The following GLT1D1 variants were observed in gnomAD, a reference collection of about 807,000 sequenced individuals.
GLT1D1 encodes glycosyltransferase 1 domain containing 1.
A neutral mutation model predicts 28.7 loss-of-function variants in GLT1D1; 21 were observed. The ratio of observed to expected loss-of-function variants is 0.73; its 90% confidence interval spans 0.52 to 1.05. The LOEUF (loss-of-function observed/expected upper bound fraction) is 1.05. GLT1D1 is among the 50% of genes least tolerant of loss of function. The pLI is 0.00. For missense variants in GLT1D1, 343 were observed against 330.6 expected (o/e 1.04, Z -0.29); for synonymous variants, 147 against 124.8 (o/e 1.18, Z -1.19).
chr12:128,888,443 G>A (rs575963762), intron 2 of GLT1D1, among the ~76,000 whole-genome samples, 196 bp from the exon 3 acceptor site: 16 of 152,286 alleles, frequency 1.1e-4, no homozygotes, highest in Admixed American at 9.8e-4. Context: ...GGGGCCTCCC[G>A]TGATTCCTCT....
chr12:128,871,887 A>G (rs1340454456), intron 1 of GLT1D1, among the ~76,000 whole-genome samples: 1 of 152,144 alleles, frequency 6.6e-6, no homozygotes, highest in African/African-American at 2.4e-5. Context: ...TTTGTTCTAT[A>G]GTACTGTCTG....
chr12:128,909,679 G>T (rs1440287989), intron 4 of GLT1D1, among the ~76,000 whole-genome samples: 2 of 152,228 alleles, frequency 1.3e-5, no homozygotes, highest in Non-Finnish European at 2.9e-5. Flanking sequence ...TTTAGTCAAA[G>T]AATGGGAAGT....
At chr12:128,903,115 A>G (rs967833189) in intron 4 of GLT1D1, among the ~76,000 whole-genome samples, 1 of 151,650 alleles carries the variant, frequency 6.6e-6, no homozygotes, top group Non-Finnish European at 1.5e-5. Context: ...TCAGCCTTCA[A>G]TATCATCCTC....
At chr12:128,884,583 G>A (rs1323161475) in intron 2 of GLT1D1, among the ~76,000 whole-genome samples, 1 of 152,192 alleles carries the variant, frequency 6.6e-6, no homozygotes, top group African/African-American at 2.4e-5. Flanking sequence ...GGAAGGCTGA[G>A]GCGGGTGGAT....
intron 4 of GLT1D1, among the ~76,000 whole-genome samples, chr12:128,899,975 G>A (rs145065666): frequency 2.8e-4 from 42 of 152,252 alleles, no homozygotes; most frequent in African/African-American, 9.4e-4. Context: ...GGGTTGGACC[G>A]TTTATTAGAA....
chr12:128,930,172 C>T (rs1873712754), intron 4 of GLT1D1: 2 of 151,982 alleles, frequency 1.3e-5, no homozygotes, highest in African/African-American at 4.8e-5. Context: ...ATGTTAAGTC[C>T]CATAGAGGTA....
At chr12:128,980,483 C>T (rs901182764) in intron 7 of GLT1D1, among the ~76,000 whole-genome samples, 3 of 152,200 alleles carry the variant, frequency 2.0e-5, no homozygotes, top group Non-Finnish European at 4.4e-5. Context: ...TGCAGTTTTC[C>T]GAGTCTGCAG....
intron 4 of GLT1D1, among the ~76,000 whole-genome samples, chr12:128,924,252 C>G (rs149707431): frequency 6.6e-6 from 1 of 151,794 alleles, no homozygotes; most frequent in Non-Finnish European, 1.5e-5. Context: ...CATGGCGAAA[C>G]CCCATCTCCA....
At chr12:128,957,852 C>T (rs1358708794) in intron 7 of GLT1D1, among the ~76,000 whole-genome samples, 2 of 152,190 alleles carry the variant, frequency 1.3e-5, no homozygotes, top group African/African-American at 4.8e-5. Flanking sequence ...AGTTCCATTC[C>T]TGATTCTGTT....
chr12:128,969,993 G>A (rs1160101221), intron 7 of GLT1D1, among the ~76,000 whole-genome samples: 2 of 152,272 alleles, frequency 1.3e-5, no homozygotes, highest in Non-Finnish European at 2.9e-5. Flanking sequence ...CTTCCTGGAG[G>A]CCTCCTGGTG....
Position 128,915,002 on chromosome 12 carries a change from ATCT to A in GLT1D1, c.375+15720_375+15722del. 2 of 1,531,162 alleles carry A rather than the reference ATCT, an allele frequency of 1.3e-6. No individual in the cohort carries two copies. The highest frequency in any genetic ancestry group is 1.8e-6 in the Non-Finnish European group (2 of 1,142,524). The allele number at this position is 1,531,162 out of a possible 1,614,324, so 94.8% of individuals were successfully genotyped here. On this transcript the variant is annotated intron_variant, in intron 4 of 7. Coordinates refer to ENST00000281703, the MANE Select transcript of GLT1D1 (RefSeq NM_144669.3). Reference sequence around the variant, plus strand: ...CTTCAACGCTCTGGTGAGACATGAGATCTTCTTAGAGGATTTTGATGAAGTGCA... The same window carrying A: ...CTTCAACGCTCTGGTGAGACATGAGATCTTAGAGGATTTTGATGAAGTGCA...
chr12:128,883,657 C>G (rs150110373), intron 2 of GLT1D1, among the ~76,000 whole-genome samples: 92 of 151,776 alleles, frequency 6.1e-4, no homozygotes, highest in African/African-American at 1.3e-3. Flanking sequence ...TTTTTCTCAG[C>G]CGATTACTGG....
intron 1 of GLT1D1, among the ~76,000 whole-genome samples, chr12:128,856,448 A>G (rs1956225731): frequency 6.6e-6 from 1 of 152,200 alleles, no homozygotes; most frequent in Admixed American, 6.5e-5. Flanking sequence ...ACAAAACTAG[A>G]TAAAGTGATT....
At chr12:128,866,360 C>T (rs573480283) in intron 1 of GLT1D1, among the ~76,000 whole-genome samples, 4 of 152,120 alleles carry the variant, frequency 2.6e-5, no homozygotes, top group East Asian at 1.9e-4. Context: ...TGAGGCACTG[C>T]GCCCGGCAAT....
Position 128,969,667 on chromosome 12 carries a change from G to T in GLT1D1, c.639+12024G>T, listed in dbSNP as rs7305672. Among the ~76,000 whole-genome samples the T allele has an allele frequency of 2.6e-5, 4 of 152,320 alleles. No individual in the cohort carries two copies. In the East Asian group the frequency reaches 7.7e-4, roughly 29 times the overall value. ...TCCTGGCCGCCTCACTCCTGACCAA[G>T]CAGGGAGCATCCTGCTTGCATCGCG... On this transcript the variant is annotated intron_variant, in intron 7 of 7. Coordinates refer to ENST00000281703, the MANE Select transcript of GLT1D1 (RefSeq NM_144669.3).
intron 3 of GLT1D1, among the ~76,000 whole-genome samples, chr12:128,890,873 C>T (rs958625434): frequency 6.6e-6 from 1 of 152,140 alleles, no homozygotes; most frequent in Non-Finnish European, 1.5e-5. Flanking sequence ...GTGGCCTGTG[C>T]CTGTAGTTCC....
chr12:128,952,586 T>G (rs1876821773), intron 6 of GLT1D1, among the ~76,000 whole-genome samples: 1 of 150,052 alleles, frequency 6.7e-6, no homozygotes, highest in Admixed American at 6.6e-5. Context: ...CCTGCCTCAG[T>G]CTCCCAGGTA....
chr12:128,915,512 G>A (rs2135892773), intron 4 of GLT1D1, among the ~76,000 whole-genome samples: 1 of 151,938 alleles, frequency 6.6e-6, no homozygotes, highest in African/African-American at 2.4e-5. Flanking sequence ...CTACATGCAT[G>A]CGCCACCATG....
chr12:128,914,713 G>A lies in GLT1D1; in HGVS notation c.375+15426G>A, dbSNP rs146707837. The stretch of plus-strand genomic sequence containing the variant: ...CGGGCGCCTATACTCCCAGCTACTC[G>A]GGAGGCTGAGGCAGGAGAATCGCTT... On this transcript the variant is annotated intron_variant, in intron 4 of 7. Coordinates refer to ENST00000281703, the MANE Select transcript of GLT1D1 (RefSeq NM_144669.3). 4.5e-3 allele frequency among the ~76,000 whole-genome samples: 687 copies of A among 152,162 alleles called. 8 individuals are homozygous for A. The highest frequency in any genetic ancestry group is 0.015 in the African/African-American group (618 of 41,506).
Sources: gnomAD v4.1 joint callset for allele counts (sites outside exome capture counted in the v4.1 genomes callset) on GRCh38, gnomAD v4.1.1 for gene constraint, MANE v1.5 for transcripts, NCBI Gene and HGNC (gene_info 2026-07-23, HGNC 2026-07-21) for gene names.